The following BNIP3 variants were observed in gnomAD, a reference collection of about 807,000 sequenced individuals.
BNIP3 encodes BCL2 interacting protein 3.
In BNIP3, 16 loss-of-function variants were observed where a neutral mutation model predicts 23.9. The observed-to-expected ratio is 0.67, with a 90% CI of 0.45 to 1.01. BNIP3 has a LOEUF of 1.01. BNIP3 is among the 50% of genes least tolerant of loss of function. The probability of loss-of-function intolerance (pLI) is 0.00; values close to 1 mark genes in which losing one functional copy is unlikely to be tolerated. For synonymous variants in BNIP3, 81 were observed against 89.3 expected, an observed-to-expected ratio of 0.91 and a Z score of 0.53; for missense variants, 198 against 248.7, an observed-to-expected ratio of 0.80 and a Z score of 1.37.
In BNIP3 at chr10:131,968,476, A is replaced by G. The variant is rs1388340950; in HGVS notation, c.*48T>C. 2 of 1,486,372 alleles carry G rather than the reference A, an allele frequency of 1.3e-6. No individual in the cohort carries two copies. Among genetic ancestry groups the G allele is most frequent in the African/African-American group, 2.8e-5 (2 of 72,044 alleles). 92.1% of individuals were successfully genotyped at this position (1,486,372 alleles called of 1,614,324 possible). A position where few individuals can be genotyped will look rare whatever the true frequency, so the allele number is the denominator to read the frequency against. ...CAGCTCTTCAGTGAGCTATGTTGCAAGCTCAGAAGTAATCCACTAACGAAC... is the reference window on the plus strand; with the variant it reads ...CAGCTCTTCAGTGAGCTATGTTGCAGGCTCAGAAGTAATCCACTAACGAAC... On this transcript the variant is annotated 3_prime_UTR_variant, in exon 6 of 6. Coordinates refer to ENST00000368636, the MANE Select transcript of BNIP3 (RefSeq NM_004052.4).
At position 131,968,617 on chromosome 10, in the gene BNIP3, A is replaced by AGAC. The variant is rs780717954; in HGVS notation, c.540-51_540-49dup. ...GTTAATGTATCTTGTGATTCACAGG[A>AGAC]GACTGTGTTACAGCTGAAACAGGGT... On this transcript the variant is annotated intron_variant, in intron 5 of 5. Coordinates refer to ENST00000368636, the MANE Select transcript of BNIP3 (RefSeq NM_004052.4). 4.0e-6 allele frequency: 6 copies of AGAC among 1,507,144 alleles called. No homozygotes were observed. The African/African-American group carries it at 8.3e-5, about 21-fold the overall frequency. 93.4% of individuals were successfully genotyped at this position (1,507,144 alleles called of 1,614,324 possible). A position where few individuals can be genotyped will look rare whatever the true frequency, so the allele number is the denominator to read the frequency against.
intron 1 of BNIP3, 67 bp downstream of exon 1, chr10:131,981,694 C>T (rs910285605): frequency 3.5e-6 from 5 of 1,437,928 alleles, no homozygotes; most frequent in Non-Finnish European, 4.6e-6. Flanking sequence ...CCCTTGGCGC[C>T]CTCTTGGCCT....
rs546173517 is a variant in BNIP3 at position 131,975,660 on chromosome 10, C to T, written c.47-1717G>A. Reference sequence around the variant, plus strand: ...AGAGGGCTGGCCTAGGCTCCATACGCCACTTGTTGCAGAGTCTATTTCATA... The same window carrying T: ...AGAGGGCTGGCCTAGGCTCCATACGTCACTTGTTGCAGAGTCTATTTCATA... On this transcript the variant is annotated intron_variant, in intron 1 of 5. Transcript: ENST00000368636. 2.6e-5 allele frequency among the ~76,000 whole-genome samples: 4 copies of T among 152,274 alleles called. No individual in the cohort carries two copies. In the South Asian group the frequency reaches 8.3e-4, roughly 32 times the overall value.
intron 5 of BNIP3, chr10:131,969,542 G>A (rs554841322): frequency 4.8e-4 from 73 of 152,374 alleles, no homozygotes; most frequent in Middle Eastern, 3.4e-3. Flanking sequence ...CCACGCACAC[G>A]GGAGGGCGAG....
intron 1 of BNIP3, among the ~76,000 whole-genome samples, chr10:131,979,979 C>A (rs890435607): frequency 6.6e-6 from 1 of 152,224 alleles, no homozygotes; most frequent in Non-Finnish European, 1.5e-5. Flanking sequence ...CCCGCGGGAC[C>A]GGCCAACCCC....
At chr10:131,973,256 C>T in intron 2 of BNIP3, 138 bp from the exon 3 acceptor site, 3 of 779,746 alleles carry the variant, frequency 3.8e-6, no homozygotes, top group Non-Finnish European at 6.3e-6. Context: ...TCCCTTCCAC[C>T]CAGCACCTGC....
intron 5 of BNIP3, 141 bp from the exon 6 acceptor site, chr10:131,968,710 T>C: frequency 1.6e-6 from 1 of 618,322 alleles, no homozygotes; most frequent in Non-Finnish European, 2.9e-6. Flanking sequence ...AATTTTGTAA[T>C]GAATCTATCT....
At chr10:131,969,493 G>A (rs1391878177) in intron 5 of BNIP3, 1 of 152,194 alleles carries the variant, frequency 6.6e-6, no homozygotes, top group African/African-American at 2.4e-5. Flanking sequence ...GACGGGTTAT[G>A]GGGGGGACGT....
At position 131,968,437 on chromosome 10, in the gene BNIP3, A is replaced by G. The variant is rs1258567897; in HGVS notation, c.*87T>C. The G allele has an allele frequency of 9.0e-7, 1 of 1,114,200 alleles. No individual in the cohort carries two copies. Among genetic ancestry groups the G allele is most frequent in the Non-Finnish European group, 1.4e-6 (1 of 739,818 alleles). The allele number at this position is 1,114,200 out of a possible 1,614,324, so 69.0% of individuals were successfully genotyped here. A position where few individuals can be genotyped will look rare whatever the true frequency, so the allele number is the denominator to read the frequency against. On this transcript the variant is annotated 3_prime_UTR_variant, in exon 6 of 6. Coordinates refer to ENST00000368636, the MANE Select transcript of BNIP3 (RefSeq NM_004052.4). ...ACAAATAAACACAAGTGACGTGGCC[A>G]CCCCAGGATCTAACAGCTCTTCAGT... is the stretch of plus-strand genomic sequence containing the variant.
chr10:131,972,433 C>T (rs1478781855), intron 3 of BNIP3, among the ~76,000 whole-genome samples: 1 of 152,184 alleles, frequency 6.6e-6, no homozygotes, highest in Non-Finnish European at 1.5e-5. Context: ...AATTATCAGG[C>T]TGATCAGCCG....
At chr10:131,971,923 C>A (rs369527056) in intron 3 of BNIP3, among the ~76,000 whole-genome samples, 1 of 152,230 alleles carries the variant, frequency 6.6e-6, no homozygotes, top group East Asian at 1.9e-4. Context: ...AGCGCTAGCA[C>A]GGAAGGGTCA....
intron 1 of BNIP3, among the ~76,000 whole-genome samples, chr10:131,977,662 G>C (rs994397129): frequency 6.6e-6 from 1 of 152,074 alleles, no homozygotes; most frequent in Non-Finnish European, 1.5e-5. Flanking sequence ...CCCTATGGCC[G>C]AGCCACCTCT....
chr10:131,971,245 G>C lies in BNIP3; in HGVS notation c.283-275C>G, dbSNP rs45603431. ...CGTAAATACATTTGGTTCACTGTGA[G>C]ATTCTGGGGGTACTGACAGCGGCAA... On this transcript the variant is annotated intron_variant, in intron 3 of 5. Coordinates refer to ENST00000368636, the MANE Select transcript of BNIP3 (RefSeq NM_004052.4). 1.2e-3 allele frequency: 544 copies of C among 455,362 alleles called. 4 individuals carry two copies. The highest frequency in any genetic ancestry group is 1.0e-2 in the African/African-American group (506 of 50,806). The allele number at this position is 455,362 out of a possible 1,614,324, so 28.2% of individuals were successfully genotyped here.
At chr10:131,981,270 C>T (rs2037116474) in intron 1 of BNIP3, 1 of 163,412 alleles carries the variant, frequency 6.1e-6, no homozygotes, top group Non-Finnish European at 1.3e-5. Flanking sequence ...CCGCGTTCAC[C>T]CTTGAGGAAA....
At chr10:131,968,825 T>G (rs2036994625) in intron 5 of BNIP3, 1 of 355,304 alleles carries the variant, frequency 2.8e-6, no homozygotes, top group South Asian at 3.2e-5. Flanking sequence ...CGAATGCTGT[T>G]TCCACACAGA....
intron 5 of BNIP3, chr10:131,969,293 G>A (rs2133687938): frequency 6.6e-6 from 1 of 152,456 alleles, no homozygotes; most frequent in South Asian, 2.1e-4. Flanking sequence ...GACAGTAGCT[G>A]GGAAGTAGTG....
At chr10:131,969,363 G>A (rs375074277) in intron 5 of BNIP3, 6 of 152,126 alleles carry the variant, frequency 3.9e-5, no homozygotes, top group Admixed American at 6.6e-5. Flanking sequence ...TGAGGATCCC[G>A]AGGCCTTGCC....
chr10:131,981,824 G>T lies in BNIP3; in HGVS notation c.-18C>A, dbSNP rs1455214815. On this transcript the variant is annotated 5_prime_UTR_variant, in exon 1 of 6. Transcript: ENST00000368636. ...TGCGACATGGCGCCAGAGGGCAACT[G>T]CGGCGATCGGAGTCCGCGCCGGGCT... is the stretch of plus-strand genomic sequence containing the variant. 1 of 1,454,304 alleles carries T rather than the reference G, an allele frequency of 6.9e-7. No individual in the cohort carries two copies. Among genetic ancestry groups the T allele is most frequent in the South Asian group, 1.4e-5 (1 of 73,902 alleles). 90.1% of individuals were successfully genotyped at this position (1,454,304 alleles called of 1,614,324 possible).
chr10:131,981,741 C>T lies in BNIP3; in HGVS notation c.46+20G>A, dbSNP rs1025405289. On this transcript the variant is annotated intron_variant, in intron 1 of 5. Coordinates refer to ENST00000368636, the MANE Select transcript of BNIP3 (RefSeq NM_004052.4). ...CCCCCCCGCGCCCCCTCGGCTCCCG[C>T]GCCGCCTCCTCCGCCTCACCCTGCA... 1.2e-5 allele frequency: 17 copies of T among 1,465,200 alleles called. No individual in the cohort carries two copies. Among genetic ancestry groups the T allele is most frequent in the Middle Eastern group, 2.0e-4 (1 of 4,900 alleles). The allele number at this position is 1,465,200 out of a possible 1,614,324, so 90.8% of individuals were successfully genotyped here.
Sources: gnomAD v4.1 joint callset for allele counts (sites outside exome capture counted in the v4.1 genomes callset) on GRCh38, gnomAD v4.1.1 for gene constraint, MANE v1.5 for transcripts, NCBI Gene and HGNC (gene_info 2026-07-23, HGNC 2026-07-21) for gene names.